The following ZFHX3 variants were observed in gnomAD, a reference collection of about 807,000 sequenced individuals.
ZFHX3 encodes zinc finger homeobox protein 3.
A neutral mutation model predicts 279.1 loss-of-function variants in ZFHX3; 42 were observed. The observed-to-expected ratio is 0.15, with a 90% CI of 0.12 to 0.19. The LOEUF (loss-of-function observed/expected upper bound fraction) is 0.19. Among genes scored for constraint, ZFHX3 ranks in the 10% least tolerant of loss-of-function variants. ZFHX3 has a pLI of 1.00. For missense variants in ZFHX3, 4,981 were observed against 4,754.0 expected, an observed-to-expected ratio of 1.05 and a Z score of -1.40; for synonymous variants, 2,293 against 1,957.8, an observed-to-expected ratio of 1.17 and a Z score of -4.52.
At chr16:73,645,793 A>G (rs2142160275) in intron 2 of ZFHX3, among the ~76,000 whole-genome samples, 1 of 152,354 alleles carries the variant, frequency 6.6e-6, no homozygotes, top group East Asian at 1.9e-4. Flanking sequence ...TGGCTAAATG[A>G]CATGACTTTT....
chr16:72,860,986 A>G (rs1187020662), intron 4 of ZFHX3, among the ~76,000 whole-genome samples: 1 of 152,186 alleles, frequency 6.6e-6, no homozygotes, highest in Non-Finnish European at 1.5e-5. Flanking sequence ...TACAGACACC[A>G]CTTGCCACCA....
At chr16:73,392,758 G>A (rs948258793) in intron 3 of ZFHX3, among the ~76,000 whole-genome samples, 1 of 152,196 alleles carries the variant, frequency 6.6e-6, no homozygotes, top group African/African-American at 2.4e-5. Flanking sequence ...CAGTTTCTCT[G>A]TTGGCTGTCT....
At chr16:73,606,905 T>G (rs1441599084) in intron 2 of ZFHX3, among the ~76,000 whole-genome samples, 1 of 152,072 alleles carries the variant, frequency 6.6e-6, no homozygotes, top group East Asian at 1.9e-4. Flanking sequence ...CTGCAAAGGA[T>G]AAGAACTCGG....
intron 8 of ZFHX3, among the ~76,000 whole-genome samples, chr16:73,071,514 C>T (rs1213354186): frequency 6.6e-6 from 1 of 152,102 alleles, no homozygotes; most frequent in Admixed American, 6.5e-5. Flanking sequence ...GCTGCTCATT[C>T]TATCAGGGGC....
At chr16:73,699,243 G>A (rs996064582) in intron 1 of ZFHX3, among the ~76,000 whole-genome samples, 4 of 152,178 alleles carry the variant, frequency 2.6e-5, no homozygotes, top group Non-Finnish European at 4.4e-5. Context: ...AGAGGAAGCT[G>A]ATAGTGGGGG....
chr16:72,833,254 T>G (rs900083962), intron 4 of ZFHX3, among the ~76,000 whole-genome samples: 22 of 152,238 alleles, frequency 1.4e-4, no homozygotes, highest in African/African-American at 4.3e-4. Context: ...GGCTGTTATC[T>G]AGCCCTTGTT....
intron 3 of ZFHX3, among the ~76,000 whole-genome samples, chr16:73,426,554 T>C (rs2017813105): frequency 6.6e-6 from 1 of 152,036 alleles, no homozygotes. Flanking sequence ...AAGAATGTCT[T>C]CAAATTATAA....
chr16:73,448,242 A>G (rs541991838), intron 3 of ZFHX3, among the ~76,000 whole-genome samples: 1 of 152,338 alleles, frequency 6.6e-6, no homozygotes, highest in East Asian at 1.9e-4. Flanking sequence ...AATGAGGTAT[A>G]CAAAAGAGAT....
At chr16:73,529,507 C>T (rs938280429) in intron 2 of ZFHX3, among the ~76,000 whole-genome samples, 25 of 152,160 alleles carry the variant, frequency 1.6e-4, no homozygotes, top group African/African-American at 5.8e-4. Flanking sequence ...AGCAGTGACA[C>T]TCAGAGACAG....
rs549989971 is a variant in ZFHX3, at chr16:73,262,580, C to T, written c.-1193-5444G>A. Among the ~76,000 whole-genome samples the T allele has an allele frequency of 2.2e-4, 33 of 152,184 alleles. 1 individual carries two copies. In the South Asian group the frequency reaches 6.4e-3, roughly 30 times the overall value. On this transcript the variant is annotated intron_variant, in intron 4 of 17. Transcript: ENST00000641206. ...ATGATGAGACAAGGTAAAAAAAGGG[C>T]TTGAGGAGACAAAGTGGTTGCCCAA...
At chr16:73,753,492 C>T (rs1450013099) in intron 1 of ZFHX3, among the ~76,000 whole-genome samples, 2 of 152,168 alleles carry the variant, frequency 1.3e-5, no homozygotes, top group African/African-American at 2.4e-5. Context: ...TTTACTTTAA[C>T]CCACTCCTTA....
intron 6 of ZFHX3, among the ~76,000 whole-genome samples, chr16:73,141,847 T>A (rs1038927373): frequency 6.6e-6 from 1 of 152,208 alleles, no homozygotes; most frequent in Non-Finnish European, 1.5e-5. Flanking sequence ...CTGCCCAGCC[T>A]GTAATCTTGA....
intron 1 of ZFHX3, among the ~76,000 whole-genome samples, chr16:72,998,489 T>C (rs947904364): frequency 6.6e-6 from 1 of 152,230 alleles, no homozygotes; most frequent in Admixed American, 6.5e-5. Context: ...CTACACATTA[T>C]TTCAAACGTA....
rs144974567 is a variant in ZFHX3, at chr16:73,577,527, T to G, written c.-1547+102653A>C. Among the ~76,000 whole-genome samples the G allele has an allele frequency of 1.8e-4, 28 of 152,262 alleles. No individual in the cohort carries two copies. In the East Asian group the frequency reaches 5.4e-3, roughly 29 times the overall value. ...ATAGACACAGAACTGAGCAGGCTGT[T>G]TCTTATGTTTTAATTAATCACTTCC... On this transcript the variant is annotated intron_variant, in intron 2 of 17. Coordinates refer to the ZFHX3 transcript ENST00000641206.
chr16:73,868,517 C>T (rs2142398126), intron 1 of ZFHX3, among the ~76,000 whole-genome samples: 1 of 152,336 alleles, frequency 6.6e-6, no homozygotes, highest in Middle Eastern at 3.4e-3. Context: ...GAGCAGGATT[C>T]CATCTCAAAC....
At chr16:73,298,695 G>A (rs2143124105) in intron 4 of ZFHX3, among the ~76,000 whole-genome samples, 1 of 152,284 alleles carries the variant, frequency 6.6e-6, no homozygotes. Flanking sequence ...AATGCGAACT[G>A]ATGGGCTTTT....
intron 3 of ZFHX3, among the ~76,000 whole-genome samples, chr16:72,912,071 G>A (rs2039332316): frequency 6.6e-6 from 1 of 152,186 alleles, no homozygotes; most frequent in Non-Finnish European, 1.5e-5. Flanking sequence ...GATAAAAGGC[G>A]AGGCAGGAAA....
intron 1 of ZFHX3, among the ~76,000 whole-genome samples, chr16:73,778,262 A>AAAAAAAAAT (rs1959329212): frequency 7.1e-6 from 1 of 141,704 alleles, no homozygotes; most frequent in Non-Finnish European, 1.5e-5. Context: ...AAAAAAAAAA[A>AAAAAAAAAT]GCATTGGACT....
intron 4 of ZFHX3, among the ~76,000 whole-genome samples, chr16:73,299,801 AG>A (rs977735357): frequency 6.6e-6 from 1 of 152,216 alleles, no homozygotes; most frequent in African/African-American, 2.4e-5. Context: ...GGTAATGAGA[AG>A]CATGCTATAT....
Sources: allele counts gnomAD v4.1 joint callset (sites outside exome capture counted in the v4.1 genomes callset), GRCh38; gene constraint gnomAD v4.1.1; transcripts MANE v1.5; gene names NCBI Gene and HGNC (gene_info 2026-07-23, HGNC 2026-07-21).